Variants in PRDM11 observed in about 807,000 individuals in gnomAD.
The protein encoded by PRDM11 is PR domain-containing protein 11.
In PRDM11, 20 loss-of-function variants were observed where a neutral mutation model predicts 97.8. The observed-to-expected ratio is 0.20, with a 90% CI of 0.14 to 0.30. The LOEUF is 0.30. Among genes scored for constraint, PRDM11 ranks in the 10% least tolerant of loss-of-function variants. The pLI, the probability that PRDM11 is intolerant of heterozygous loss-of-function variation, is 1.00. For synonymous variants in PRDM11, 599 were observed against 637.7 expected (o/e 0.94, Z 0.91); for missense variants, 1,139 against 1,555.2 (o/e 0.73, Z 4.50).
intron 1 of PRDM11, among the ~76,000 whole-genome samples, chr11:45,172,742 A>T (rs1034473260): frequency 1.3e-5 from 2 of 152,248 alleles, no homozygotes; most frequent in Admixed American, 1.3e-4. Flanking sequence ...TTTAAAGTAT[A>T]TGGGAGGATA....
chr11:45,097,447 C>T (rs1164576014), intron 1 of PRDM11, among the ~76,000 whole-genome samples: 1 of 152,194 alleles, frequency 6.6e-6, no homozygotes, highest in East Asian at 1.9e-4. Context: ...TAATTTTGTC[C>T]TCACCACAAT....
chr11:45,162,060 C>T (rs1363986274), intron 1 of PRDM11, among the ~76,000 whole-genome samples: 2 of 152,180 alleles, frequency 1.3e-5, no homozygotes, highest in Admixed American at 6.5e-5. Flanking sequence ...TGGGCAGTGG[C>T]GTGTGTGTTC....
intron 1 of PRDM11, among the ~76,000 whole-genome samples, chr11:45,172,922 C>T (rs1304676457): frequency 1.3e-5 from 2 of 152,218 alleles, no homozygotes; most frequent in African/African-American, 4.8e-5. Flanking sequence ...GAACTCGCTT[C>T]ATGCTGAAGA....
intron 1 of PRDM11, among the ~76,000 whole-genome samples, chr11:45,155,076 T>G (rs1229984500): frequency 6.6e-6 from 1 of 152,244 alleles, no homozygotes; most frequent in East Asian, 1.9e-4. Flanking sequence ...GTGTCAGAGT[T>G]GAGGGCGAGA....
At position 45,227,144 on chromosome 11, in the gene PRDM11, A is replaced by G. The variant is rs1854295276; in HGVS notation, c.2519A>G (p.Lys840Arg). 1 of 1,533,972 alleles carries G rather than the reference A, an allele frequency of 6.5e-7. No homozygotes were observed. Among genetic ancestry groups the G allele is most frequent in the Non-Finnish European group, 8.7e-7 (1 of 1,146,730 alleles). Reference protein sequence around the residue: ...GEQNVLNALIKDYLEVVAHLK... With the variant: ...GEQNVLNALIRDYLEVVAHLK... ...CAGAACGTCCTCAACGCTCTCATCA[A>G]GGACTACCTGGAGGTGGTGGCCCAT... The change falls in exon 8 of 8, where the codon AAG becomes AGG. Residue 840 changes from lysine to arginine, a missense_variant. This residue lies in a region of PRDM11 where 710 missense variants were observed against 1,044.9 expected (regional missense o/e 0.68). Coordinates refer to ENST00000683152, the MANE Select transcript of PRDM11 (RefSeq NM_001384648.1). The surrounding 1 kb of genome is among the most constrained non-coding windows in gnomAD (Gnocchi z 8.0).
At chr11:45,148,267 C>T (rs1407567474) in intron 1 of PRDM11, among the ~76,000 whole-genome samples, 2 of 152,188 alleles carry the variant, frequency 1.3e-5, no homozygotes, top group Non-Finnish European at 1.5e-5. Flanking sequence ...CACTGTCTGA[C>T]TTTGGACTTC....
intron 4 of PRDM11, among the ~76,000 whole-genome samples, chr11:45,194,845 G>T (rs368036476): frequency 1.3e-5 from 2 of 151,750 alleles, no homozygotes; most frequent in Non-Finnish European, 2.9e-5. Flanking sequence ...TGATCCGCCC[G>T]CCTCGGCCTC....
chr11:45,178,766 C>A (rs530661508), intron 1 of PRDM11, among the ~76,000 whole-genome samples: 75 of 152,346 alleles, frequency 4.9e-4, no homozygotes, highest in Non-Finnish European at 8.5e-4. Flanking sequence ...GTCCTGCAAG[C>A]GTATGACCCT....
chr11:45,194,628 TCG>T (rs1853045283), intron 4 of PRDM11, among the ~76,000 whole-genome samples: 1 of 120,124 alleles, frequency 8.3e-6, no homozygotes, highest in African/African-American at 3.0e-5. Flanking sequence ...AGACGGAGTC[TCG>T]CTCTGTCGCC....
rs559647702 is a variant in PRDM11 at position 45,167,546 on chromosome 11, G to A, written c.-6-14215G>A. On this transcript the variant is annotated intron_variant, in intron 1 of 7. Coordinates refer to ENST00000683152, the MANE Select transcript of PRDM11 (RefSeq NM_001384648.1). ...GGCTGAGGGCTCAGCAGCTTTTGTA[G>A]CAAGCCATAAACAACTAAGTTTCCC... Among the ~76,000 whole-genome samples the A allele has an allele frequency of 6.7e-4, 102 of 152,294 alleles. 1 individual carries two copies. Among genetic ancestry groups the A allele is most frequent in the South Asian group, 3.5e-3 (17 of 4,832 alleles).
At chr11:45,171,195 G>T (rs912723968) in intron 1 of PRDM11, among the ~76,000 whole-genome samples, 3 of 152,050 alleles carry the variant, frequency 2.0e-5, no homozygotes, top group Non-Finnish European at 4.4e-5. Flanking sequence ...CACCTCCTGG[G>T]TTCAAGCAAT....
rs554330496 is a variant in PRDM11 at position 45,229,418 on chromosome 11, A to G, written c.*1259A>G. 8 of 152,312 alleles carry G rather than the reference A, an allele frequency of 5.3e-5. No individual in the cohort carries two copies. Among genetic ancestry groups the G allele is most frequent in the African/African-American group, 1.9e-4 (8 of 41,568 alleles). 9.4% of individuals were successfully genotyped at this position (152,312 alleles called of 1,614,324 possible). On this transcript the variant is annotated 3_prime_UTR_variant, in exon 8 of 8. Coordinates refer to ENST00000683152, the MANE Select transcript of PRDM11 (RefSeq NM_001384648.1). Reference sequence around the variant, plus strand: ...TTTGAACAGGGTAGAGATGTCCTAAAGAAATGGAGAAAAGAAGAGAGGACT... The same window carrying G: ...TTTGAACAGGGTAGAGATGTCCTAAGGAAATGGAGAAAAGAAGAGAGGACT...
At chr11:45,105,687 A>G (rs1590338996) in intron 1 of PRDM11, among the ~76,000 whole-genome samples, 1 of 152,128 alleles carries the variant, frequency 6.6e-6, no homozygotes, top group African/African-American at 2.4e-5. Context: ...CTGGCCCGCC[A>G]CCTGGTGGCC....
At chr11:45,135,874 G>T (rs1302113574) in intron 1 of PRDM11, among the ~76,000 whole-genome samples, 1 of 152,140 alleles carries the variant, frequency 6.6e-6, no homozygotes, top group African/African-American at 2.4e-5. Flanking sequence ...CAAAAGGCCT[G>T]CCCAGGACGC....
chr11:45,103,319 C>A (rs1852010474), intron 1 of PRDM11, among the ~76,000 whole-genome samples: 3 of 152,112 alleles, frequency 2.0e-5, no homozygotes, highest in African/African-American at 7.2e-5. Context: ...GAAACTACAG[C>A]AAATGGGGGG....
intron 1 of PRDM11, among the ~76,000 whole-genome samples, chr11:45,161,914 A>C (rs912730044): frequency 1.6e-4 from 25 of 152,188 alleles, no homozygotes; most frequent in Admixed American, 1.3e-4. Context: ...TCCCAAAGCC[A>C]CATAGGTCAC....
At chr11:45,223,803 C>T (rs1854185438) in intron 6 of PRDM11, among the ~76,000 whole-genome samples, 1 of 152,130 alleles carries the variant, frequency 6.6e-6, no homozygotes, top group African/African-American at 2.4e-5. Flanking sequence ...CTTGTCATTG[C>T]TAGGGCTGAG....
At chr11:45,101,063 T>C (rs937018122) in intron 1 of PRDM11, among the ~76,000 whole-genome samples, 2 of 151,982 alleles carry the variant, frequency 1.3e-5, no homozygotes, top group African/African-American at 4.8e-5. Context: ...GGGTGGGGAT[T>C]AATAGGACTT....
At chr11:45,208,179 C>G (rs1006649522) in intron 5 of PRDM11, among the ~76,000 whole-genome samples, 1 of 152,144 alleles carries the variant, frequency 6.6e-6, no homozygotes, top group Non-Finnish European at 1.5e-5. Flanking sequence ...AGCCCACCCC[C>G]GAAGAAAGCA....
Sources: gnomAD v4.1 joint callset for allele counts (sites outside exome capture counted in the v4.1 genomes callset) on GRCh38, gnomAD v4.1.1 for gene constraint, gnomAD v4.1.1 regional missense constraint, Gnocchi (gnomAD v3.1) non-coding constraint, MANE v1.5 for transcripts, NCBI Gene and HGNC (gene_info 2026-07-23, HGNC 2026-07-21) for gene names.